The following DACH2 variants were observed in gnomAD, a reference collection of about 807,000 sequenced individuals.
The protein encoded by DACH2 is dachshund homolog 2.
DACH2 carries 17 observed loss-of-function variants against 35.8 expected under a neutral mutation model. The ratio of observed to expected loss-of-function variants is 0.48; its 90% confidence interval spans 0.33 to 0.71. DACH2 has a LOEUF of 0.71. DACH2 is among the 30% of genes least tolerant of loss of function. DACH2 has a pLI of 0.02. For synonymous variants in DACH2, 195 were observed against 177.3 expected (o/e 1.10, Z -0.79); for missense variants, 469 against 472.7 (o/e 0.99, Z 0.07).
chrX:86,802,385 C>G, intron 7 of DACH2, among the ~76,000 whole-genome samples: 1 of 110,922 alleles, frequency 9.0e-6, no homozygotes, highest in Non-Finnish European at 1.9e-5. Context: ...CTTCCATTGA[C>G]TCTTTCTACT....
chrX:86,390,233 T>G (rs1206096645), intron 2 of DACH2, among the ~76,000 whole-genome samples: 2 of 112,314 alleles, frequency 1.8e-5, no homozygotes, highest in Non-Finnish European at 3.8e-5. Flanking sequence ...GTAAGCACAT[T>G]CAGTAGCTAA....
rs181447577 is a variant in DACH2 at position 86,536,837 on chromosome X, G to A, written c.640+22446G>A. On this transcript the variant is annotated intron_variant, in intron 3 of 11. Transcript: ENST00000373125. ...AGGACCACCTGAGGCTGTGACAGAG[G>A]CCATTGTCCTTAATCTTGGCAAAAG... Among the ~76,000 whole-genome samples, 70 of 111,978 alleles carry A rather than the reference G, an allele frequency of 6.3e-4. No homozygotes were observed. In the East Asian group the frequency reaches 0.02, roughly 31 times the overall value.
At chrX:86,739,715 G>T in intron 6 of DACH2, 32 bp from the exon 7 acceptor site, 1 of 1,164,108 alleles carries the variant, frequency 8.6e-7, no homozygotes, top group South Asian at 1.9e-5. Flanking sequence ...GCGCATAGAT[G>T]ACATTTCCTT....
intron 2 of DACH2, among the ~76,000 whole-genome samples, chrX:86,445,861 G>C (rs1425281495): frequency 9.0e-6 from 1 of 111,101 alleles, no homozygotes; most frequent in African/African-American, 3.3e-5. Flanking sequence ...ATTTCATTTA[G>C]GTCCATTTGG....
rs66563509 is a variant in DACH2 at position 86,441,412 on chromosome X, G to C, written c.527+64550G>C. Among the ~76,000 whole-genome samples, 64 of 110,268 alleles carry C rather than the reference G, an allele frequency of 5.8e-4. No homozygotes were observed. In the East Asian group the frequency reaches 0.018, roughly 31 times the overall value. On this transcript the variant is annotated intron_variant, in intron 2 of 11. Coordinates refer to ENST00000373125, the MANE Select transcript of DACH2 (RefSeq NM_053281.3). ...TCTGGTTTAACTTAACATAATGAGCGCCAGGTTCATCCATGTTGTTGCGAA... is the reference window on the plus strand; with the variant it reads ...TCTGGTTTAACTTAACATAATGAGCCCCAGGTTCATCCATGTTGTTGCGAA...
At chrX:86,254,781 A>AATATATATATATAT (rs1200745075) in intron 1 of DACH2, among the ~76,000 whole-genome samples, 3 of 22,587 alleles carry the variant, frequency 1.3e-4, no homozygotes, top group Admixed American at 9.1e-4. Flanking sequence ...CAAATAAATA[A>AATATATATATATAT]ATATATATAT....
At chrX:86,635,098 C>T (rs1436925894) in intron 3 of DACH2, among the ~76,000 whole-genome samples, 1 of 111,255 alleles carries the variant, frequency 9.0e-6, no homozygotes, top group Non-Finnish European at 1.9e-5. Context: ...CTTTGAGGAA[C>T]ATCAGATGCA....
chrX:86,160,568 C>T (rs1165129262), intron 1 of DACH2: 8 of 507,583 alleles, frequency 1.6e-5, no homozygotes, highest in Non-Finnish European at 2.9e-5. Context: ...ACTGATTTGG[C>T]CTGGATGGTT....
At chrX:86,636,431 A>G (rs2040266642) in intron 3 of DACH2, among the ~76,000 whole-genome samples, 1 of 111,376 alleles carries the variant, frequency 9.0e-6, no homozygotes, top group African/African-American at 3.3e-5. Flanking sequence ...CTGGGCAGCA[A>G]GAGTGAAACT....
intron 3 of DACH2, among the ~76,000 whole-genome samples, chrX:86,570,302 G>A (rs1029080739): frequency 9.0e-6 from 1 of 111,322 alleles, no homozygotes. Context: ...GTTCATTGCA[G>A]CACTATTCAC....
chrX:86,394,855 G>T (rs958127719), intron 2 of DACH2, among the ~76,000 whole-genome samples: 1 of 111,777 alleles, frequency 8.9e-6, no homozygotes, highest in African/African-American at 3.2e-5. Flanking sequence ...AATAACACAA[G>T]AACTTTGATA....
chrX:86,603,671 T>G (rs1019063809), intron 3 of DACH2, among the ~76,000 whole-genome samples: 1 of 111,554 alleles, frequency 9.0e-6, no homozygotes, highest in East Asian at 2.8e-4. Context: ...AATTTTATAC[T>G]TTCATTTTCA....
At chrX:86,212,935 C>T (rs902899292) in intron 1 of DACH2, among the ~76,000 whole-genome samples, 2 of 111,274 alleles carry the variant, frequency 1.8e-5, no homozygotes, top group Admixed American at 1.9e-4. Context: ...GACTTACTTC[C>T]GCCATAGAAT....
intron 3 of DACH2, among the ~76,000 whole-genome samples, chrX:86,606,869 G>T (rs1310931221): frequency 9.0e-6 from 1 of 111,291 alleles, no homozygotes; most frequent in Non-Finnish European, 1.9e-5. Context: ...TTCACACCTG[G>T]GTGTTCTGTT....
intron 4 of DACH2, among the ~76,000 whole-genome samples, chrX:86,656,029 T>TCCCC (rs66532210): frequency 2.5e-5 from 2 of 81,632 alleles, no homozygotes; most frequent in Non-Finnish European, 4.8e-5. Flanking sequence ...GAAATAAAGC[T>TCCCC]CCCCCCCCCC....
chrX:86,280,452 A>G (rs1181790171), intron 1 of DACH2, among the ~76,000 whole-genome samples: 1 of 112,259 alleles, frequency 8.9e-6, no homozygotes, highest in Non-Finnish European at 1.9e-5. Flanking sequence ...TCCTGAAGGA[A>G]GCACTAAACA....
intron 2 of DACH2, among the ~76,000 whole-genome samples, chrX:86,499,660 C>T (rs1417559920): frequency 1.8e-5 from 2 of 111,374 alleles, no homozygotes; most frequent in Non-Finnish European, 3.8e-5. Flanking sequence ...AGTACATAGA[C>T]GTGTTTTTCA....
chrX:86,735,295 A>G (rs2041583303), intron 6 of DACH2, among the ~76,000 whole-genome samples: 1 of 111,835 alleles, frequency 8.9e-6, no homozygotes, highest in South Asian at 3.6e-4. Context: ...AATGGCCTCT[A>G]TGAACATGGT....
rs368775391 is a variant in DACH2, at chrX:86,305,956, G to A, written c.489-70868G>A. On this transcript the variant is annotated intron_variant, in intron 1 of 11. Coordinates refer to ENST00000373125, the MANE Select transcript of DACH2 (RefSeq NM_053281.3). ...AAGACAAAACAACTAACAAATGCTGGCAATGATACGGTTAAAAGAGAACTT... is the reference window on the plus strand; with the variant it reads ...AAGACAAAACAACTAACAAATGCTGACAATGATACGGTTAAAAGAGAACTT... Among the ~76,000 whole-genome samples the A allele has an allele frequency of 6.7e-3, 749 of 111,700 alleles. 5 individuals are homozygous for A. The highest frequency in any genetic ancestry group is 0.023 in the African/African-American group (693 of 30,792).
Sources: allele counts gnomAD v4.1 joint callset (sites outside exome capture counted in the v4.1 genomes callset), GRCh38; gene constraint gnomAD v4.1.1; transcripts MANE v1.5; gene names NCBI Gene and HGNC (gene_info 2026-07-23, HGNC 2026-07-21).